Variants in PDE4D observed in about 807,000 individuals in gnomAD.
The protein encoded by PDE4D is 3',5'-cyclic-AMP phosphodiesterase 4D.
In PDE4D, 24 loss-of-function variants were observed where a neutral mutation model predicts 87.4. That is an observed-to-expected ratio of 0.27 (90% confidence interval 0.20 to 0.39). The LOEUF is 0.39. PDE4D is among the 10% of genes least tolerant of loss of function. The pLI, the probability that PDE4D is intolerant of heterozygous loss-of-function variation, is 1.00. For missense variants in PDE4D, 714 were observed against 1,041.0 expected, an observed-to-expected ratio of 0.69 and a Z score of 4.32; for synonymous variants, 384 against 383.2, an observed-to-expected ratio of 1.00 and a Z score of -0.02.
intron 1 of PDE4D, among the ~76,000 whole-genome samples, chr5:60,257,056 T>A (rs1048481778): frequency 2.6e-5 from 4 of 151,826 alleles, no homozygotes; most frequent in Non-Finnish European, 4.4e-5. Context: ...ATATACAATT[T>A]GTATATGTCA....
At chr5:59,602,558 G>A (rs971436114) in intron 1 of PDE4D, among the ~76,000 whole-genome samples, 5 of 151,952 alleles carry the variant, frequency 3.3e-5, no homozygotes, top group Admixed American at 6.6e-5. Context: ...AAGATAGTTC[G>A]TGTTCATAGA....
At chr5:59,745,912 T>C (rs921077844) in intron 1 of PDE4D, among the ~76,000 whole-genome samples, 2 of 152,158 alleles carry the variant, frequency 1.3e-5, no homozygotes, top group African/African-American at 4.8e-5. Context: ...GAGAAAGCTA[T>C]ACATTTCATA....
At chr5:59,996,757 T>G (rs1763561995) in intron 2 of PDE4D, among the ~76,000 whole-genome samples, 1 of 152,186 alleles carries the variant, frequency 6.6e-6, no homozygotes. Flanking sequence ...TTGTATCGAC[T>G]TAACACAATC....
At chr5:59,819,403 C>T (rs1036072218) in intron 1 of PDE4D, among the ~76,000 whole-genome samples, 2 of 152,228 alleles carry the variant, frequency 1.3e-5, no homozygotes, top group Non-Finnish European at 2.9e-5. Flanking sequence ...CATAGACTTT[C>T]ACTTTTTTTC....
At chr5:59,246,015 T>C (rs1047643582) in intron 1 of PDE4D, among the ~76,000 whole-genome samples, 3 of 149,558 alleles carry the variant, frequency 2.0e-5, no homozygotes, top group South Asian at 2.1e-4. Context: ...AAATATTATA[T>C]ATAAATGTAT....
chr5:60,043,635 C>A (rs1200475428), intron 2 of PDE4D, among the ~76,000 whole-genome samples: 1 of 151,406 alleles, frequency 6.6e-6, no homozygotes, highest in African/African-American at 2.4e-5. Context: ...GAGAGGGGGC[C>A]ACTCTTAAAG....
intron 1 of PDE4D, among the ~76,000 whole-genome samples, chr5:59,613,965 T>A (rs577616849): frequency 4.1e-4 from 62 of 152,144 alleles, no homozygotes; most frequent in African/African-American, 1.4e-3. Context: ...GCTCAATTTT[T>A]AAAAAAAACT....
chr5:59,477,373 A>AATAT (rs1554190138), intron 1 of PDE4D, among the ~76,000 whole-genome samples: 4 of 143,056 alleles, frequency 2.8e-5, no homozygotes, highest in East Asian at 2.0e-4. Context: ...AAAAAAAAAA[A>AATAT]ATTAAAGAAT....
intron 2 of PDE4D, among the ~76,000 whole-genome samples, chr5:60,176,276 T>C (rs1018419330): frequency 6.6e-6 from 1 of 152,184 alleles, no homozygotes; most frequent in Non-Finnish European, 1.5e-5. Context: ...CCATCCTCTT[T>C]CTTCTTGCAG....
intron 3 of PDE4D, among the ~76,000 whole-genome samples, chr5:59,906,184 C>T (rs1216884865): frequency 6.6e-6 from 1 of 152,070 alleles, no homozygotes; most frequent in East Asian, 1.9e-4. Flanking sequence ...AATTAGAAAA[C>T]ACTGGAACTC....
chr5:59,137,178 C>T (rs962787293), intron 5 of PDE4D, among the ~76,000 whole-genome samples: 15 of 152,198 alleles, frequency 9.9e-5, no homozygotes, highest in African/African-American at 3.4e-4. Context: ...GCCACAACTC[C>T]CGACTTCCCT....
chr5:59,316,062 G>C (rs1773656611), intron 1 of PDE4D, among the ~76,000 whole-genome samples: 1 of 152,064 alleles, frequency 6.6e-6, no homozygotes, highest in South Asian at 2.1e-4. Flanking sequence ...TCTCTCAGCT[G>C]AATTTTTTTC....
intron 1 of PDE4D, among the ~76,000 whole-genome samples, chr5:60,473,530 A>G (rs551087954): frequency 2.0e-5 from 3 of 152,306 alleles, no homozygotes; most frequent in South Asian, 4.1e-4. Context: ...GTAAATTCAG[A>G]TGAAGAATAT....
intron 1 of PDE4D, among the ~76,000 whole-genome samples, chr5:59,282,128 T>C (rs1210765661): frequency 2.0e-5 from 3 of 152,204 alleles, no homozygotes; most frequent in Non-Finnish European, 4.4e-5. Context: ...GGTCACATTA[T>C]AACTTTAGTT....
intron 1 of PDE4D, among the ~76,000 whole-genome samples, chr5:59,357,798 C>G (rs555517849): frequency 6.6e-6 from 1 of 152,144 alleles, no homozygotes; most frequent in African/African-American, 2.4e-5. Flanking sequence ...ACCCTAGTGC[C>G]GTCATCGGTC....
At chr5:59,561,035 T>C (rs981823775) in intron 1 of PDE4D, 2 of 152,248 alleles carry the variant, frequency 1.3e-5, no homozygotes, top group African/African-American at 4.8e-5. Flanking sequence ...AGTTTTCTTC[T>C]TCCAACCCCA....
intron 1 of PDE4D, among the ~76,000 whole-genome samples, chr5:59,682,209 AACAGCATATTT>A (rs1211181316): frequency 6.6e-6 from 1 of 152,232 alleles, no homozygotes; most frequent in East Asian, 1.9e-4. Flanking sequence ...ATTGAGGAAT[AACAGCATATTT>A]ACATGCTCTC....
In PDE4D at chr5:60,146,710, A is replaced by C. The variant is rs577922046; in HGVS notation, c.42+38847T>G. The stretch of plus-strand genomic sequence containing the variant: ...GAAACAGCCTATACAATAACAAAAA[A>C]TATTTGCATCCGATATGAATATTCG... On this transcript the variant is annotated intron_variant, in intron 2 of 16. Coordinates refer to the PDE4D transcript ENST00000502484. 1.8e-3 allele frequency among the ~76,000 whole-genome samples: 270 copies of C among 152,374 alleles called. 1 individual carries two copies. Among genetic ancestry groups the C allele is most frequent in the African/African-American group, 6.3e-3 (262 of 41,590 alleles).
In PDE4D at chr5:59,782,672, C is replaced by T. The variant is rs950057769; in HGVS notation, c.455+110496G>A. On this transcript the variant is annotated intron_variant, in intron 1 of 14. Coordinates refer to ENST00000340635, the MANE Select transcript of PDE4D (RefSeq NM_001104631.2). ...AATTTAAAGTCCTAATGGTCCTGTC[C>T]ACCTTACTAGTATACATTACATATG... Among the ~76,000 whole-genome samples, 5 of 152,148 alleles carry T rather than the reference C, an allele frequency of 3.3e-5. 1 individual carries two copies. Among genetic ancestry groups the T allele is most frequent in the Admixed American group, 3.3e-4 (5 of 15,278 alleles).
Sources: allele counts gnomAD v4.1 joint callset (sites outside exome capture counted in the v4.1 genomes callset), GRCh38; gene constraint gnomAD v4.1.1; transcripts MANE v1.5; gene names NCBI Gene and HGNC (gene_info 2026-07-23, HGNC 2026-07-21).